The following XPR1 variants were observed in gnomAD, a reference collection of about 807,000 sequenced individuals.
XPR1 encodes the protein xenotropic and polytropic retrovirus receptor 1, also known as solute carrier family 53 member 1.
A neutral mutation model predicts 87.5 loss-of-function variants in XPR1; 28 were observed. The ratio of observed to expected loss-of-function variants is 0.32; its 90% CI spans 0.24 to 0.44. XPR1 has a LOEUF of 0.44. Among genes scored for constraint, XPR1 ranks in the 20% least tolerant of loss-of-function variants. XPR1 has a pLI of 1.00. For missense variants in XPR1, 559 were observed against 862.3 expected (o/e 0.65, Z 4.41); for synonymous variants, 300 against 306.1 (o/e 0.98, Z 0.21).
At chr1:180,828,593 C>T (rs889395139) in intron 9 of XPR1, among the ~76,000 whole-genome samples, 1 of 152,162 alleles carries the variant, frequency 6.6e-6, no homozygotes, top group Non-Finnish European at 1.5e-5. Flanking sequence ...AAAAATTTTA[C>T]ACATTTCTAT....
At chr1:180,668,409 G>A (rs1426896016) in intron 1 of XPR1, among the ~76,000 whole-genome samples, 3 of 152,124 alleles carry the variant, frequency 2.0e-5, no homozygotes, top group African/African-American at 4.8e-5. Context: ...GATTACAGGC[G>A]TGAGCCACTG....
In XPR1 at chr1:180,816,825, A is replaced by G. The variant is rs531962254; in HGVS notation, c.763+5337A>G. ...TGACTTACTGATTTATGTATATGCT[A>G]TACTATTTATTATTTTAGAGTGAAC... On this transcript the variant is annotated intron_variant, in intron 7 of 14. Transcript: ENST00000367590. 4.6e-5 allele frequency among the ~76,000 whole-genome samples: 7 copies of G among 152,370 alleles called. No homozygotes were observed. In the South Asian group the frequency reaches 1.4e-3, roughly 32 times the overall value.
At chr1:180,669,825 CAAT>C (rs1226446514) in intron 1 of XPR1, among the ~76,000 whole-genome samples, 6 of 151,952 alleles carry the variant, frequency 3.9e-5, no homozygotes, top group Non-Finnish European at 8.8e-5. Context: ...AAGAGATTAA[CAAT>C]AATAACTAAT....
intron 2 of XPR1, among the ~76,000 whole-genome samples, chr1:180,737,354 T>C (rs965092948): frequency 2.0e-5 from 3 of 152,266 alleles, no homozygotes. Flanking sequence ...ATACCTATTA[T>C]AACATTTTCT....
At chr1:180,804,415 T>C (rs1024975266) in intron 4 of XPR1, among the ~76,000 whole-genome samples, 1 of 152,250 alleles carries the variant, frequency 6.6e-6, no homozygotes, top group Non-Finnish European at 1.5e-5. Context: ...TTTCCAATTT[T>C]ACTGTCCATG....
At chr1:180,761,797 T>C (rs552130302) in intron 2 of XPR1, among the ~76,000 whole-genome samples, 3,681 of 152,268 alleles carry the variant, frequency 0.024, 149 homozygotes, top group African/African-American at 0.083. Context: ...TTATAAATCA[T>C]GCTGCTATAA....
intron 1 of XPR1, among the ~76,000 whole-genome samples, chr1:180,646,058 G>A (rs1381987864): frequency 1.3e-5 from 2 of 152,128 alleles, no homozygotes; most frequent in Non-Finnish European, 2.9e-5. Flanking sequence ...AACAAGTATT[G>A]TTACCTTGTT....
intron 1 of XPR1, among the ~76,000 whole-genome samples, chr1:180,668,962 G>A (rs965798718): frequency 1.3e-5 from 2 of 151,898 alleles, no homozygotes; most frequent in Non-Finnish European, 2.9e-5. Context: ...GCTGGCAGGC[G>A]CCTGTAATCC....
chr1:180,820,482 T>G (rs945253916), intron 7 of XPR1, among the ~76,000 whole-genome samples: 7 of 152,266 alleles, frequency 4.6e-5, no homozygotes, highest in Non-Finnish European at 1.0e-4. Flanking sequence ...TGAGTAATAT[T>G]CCATTTTGTG....
chr1:180,840,655 A>G (rs1651477226), intron 11 of XPR1, among the ~76,000 whole-genome samples: 1 of 151,404 alleles, frequency 6.6e-6, no homozygotes, highest in Admixed American at 6.6e-5. Context: ...AATATTTTTT[A>G]GATGGACCGT....
At chr1:180,632,407 C>T in intron 1 of XPR1, 137 bp downstream of exon 1, 1 of 1,152,656 alleles carries the variant, frequency 8.7e-7, no homozygotes, top group Non-Finnish European at 1.3e-6. Context: ...GGAGCCACTG[C>T]GGCATCCCCG....
At chr1:180,794,542 A>G (rs1011892667) in intron 3 of XPR1, among the ~76,000 whole-genome samples, 2 of 152,234 alleles carry the variant, frequency 1.3e-5, no homozygotes. Context: ...GACATTTAGT[A>G]TTTTACAGTT....
At chr1:180,812,389 C>T (rs867946149) in intron 7 of XPR1, among the ~76,000 whole-genome samples, 6 of 152,298 alleles carry the variant, frequency 3.9e-5, no homozygotes, top group African/African-American at 9.6e-5. Flanking sequence ...AAGATGTCTA[C>T]TTGGCTAGTT....
chr1:180,777,584 A>G (rs1224269334), intron 2 of XPR1, among the ~76,000 whole-genome samples: 1 of 152,158 alleles, frequency 6.6e-6, no homozygotes, highest in Non-Finnish European at 1.5e-5. Context: ...CTCTATTTCT[A>G]CTACACCAGT....
intron 1 of XPR1, among the ~76,000 whole-genome samples, chr1:180,637,276 C>T (rs1557932908): frequency 6.6e-6 from 1 of 152,130 alleles, no homozygotes; most frequent in Non-Finnish European, 1.5e-5. Flanking sequence ...ATCATTAATC[C>T]AGTTATGGGT....
chr1:180,641,451 A>G (rs561555474), intron 1 of XPR1, among the ~76,000 whole-genome samples: 34 of 152,290 alleles, frequency 2.2e-4, no homozygotes, highest in Non-Finnish European at 3.8e-4. Flanking sequence ...ATTTTTCTTA[A>G]TAAATCACTC....
At chr1:180,862,606 A>G (rs770566814) in intron 11 of XPR1, among the ~76,000 whole-genome samples, 8 of 152,086 alleles carry the variant, frequency 5.3e-5, no homozygotes, top group Non-Finnish European at 5.9e-5. Flanking sequence ...GCTCAAATTT[A>G]TCAATTTATA....
At chr1:180,814,474 C>G (rs1650332335) in intron 7 of XPR1, among the ~76,000 whole-genome samples, 1 of 152,198 alleles carries the variant, frequency 6.6e-6, no homozygotes, top group Admixed American at 6.5e-5. Flanking sequence ...TTCAGCTCCA[C>G]TGTTAGTTGT....
chr1:180,710,030 C>G (rs1167528061), intron 2 of XPR1, among the ~76,000 whole-genome samples: 2 of 151,820 alleles, frequency 1.3e-5, no homozygotes, highest in Non-Finnish European at 2.9e-5. Flanking sequence ...CTCAGCCTCC[C>G]TAGTAGCTGG....
Sources: allele counts gnomAD v4.1 joint callset (sites outside exome capture counted in the v4.1 genomes callset), GRCh38; gene constraint gnomAD v4.1.1; transcripts MANE v1.5; gene names NCBI Gene and HGNC (gene_info 2026-07-23, HGNC 2026-07-21).